The following ANO1 variants were observed in gnomAD, a reference collection of about 807,000 sequenced individuals.
ANO1 encodes the protein anoctamin-1.
A neutral mutation model predicts 124.0 loss-of-function variants in ANO1; 59 were observed. That is an observed-to-expected ratio of 0.48 (90% confidence interval 0.39 to 0.59). The LOEUF is 0.59. ANO1 is among the 20% of genes least tolerant of loss of function. ANO1 has a pLI of 0.00. For missense variants in ANO1, 1,059 were observed against 1,328.0 expected, an observed-to-expected ratio of 0.80 and a Z score of 3.15; for synonymous variants, 529 against 532.0, an observed-to-expected ratio of 0.99 and a Z score of 0.08.
intron 1 of ANO1, among the ~76,000 whole-genome samples, chr11:70,014,482 G>T (rs1045667635): frequency 2.0e-5 from 3 of 152,114 alleles, no homozygotes; most frequent in Non-Finnish European, 2.9e-5. Flanking sequence ...TGCAGTTCTA[G>T]TTCACTCACC....
chr11:70,149,967 G>C, intron 12 of ANO1, 175 bp downstream of exon 12: 1 of 714,104 alleles, frequency 1.4e-6, no homozygotes, highest in South Asian at 1.5e-5. Flanking sequence ...ACACCCTGGC[G>C]TTCCGAACAC....
chr11:70,183,768 G>A (rs915811016), intron 24 of ANO1, among the ~76,000 whole-genome samples: 1 of 152,198 alleles, frequency 6.6e-6, no homozygotes, highest in Non-Finnish European at 1.5e-5. Context: ...ATAGGCCCTC[G>A]GAGACTCCCA....
intron 1 of ANO1, 70 bp from the exon 2 acceptor site, chr11:70,087,682 G>A: frequency 7.2e-7 from 1 of 1,393,262 alleles, no homozygotes; most frequent in East Asian, 2.5e-5. Context: ...GATGAAGGGA[G>A]CAGCGCACCC....
At chr11:70,029,073 C>T (rs116494918) in intron 1 of ANO1, among the ~76,000 whole-genome samples, 1 of 152,224 alleles carries the variant, frequency 6.6e-6, no homozygotes, top group Non-Finnish European at 1.5e-5. Context: ...TGAGCCACTG[C>T]GTCCAGCCCA....
intron 19 of ANO1, 111 bp from the exon 20 acceptor site, chr11:70,165,359 T>C (rs868167465): frequency 4.5e-6 from 4 of 889,584 alleles, no homozygotes; most frequent in Non-Finnish European, 7.0e-6. Flanking sequence ...CTGAGCGTCT[T>C]TTTTTGGAGG....
chr11:70,028,883 G>C (rs1295073001), intron 1 of ANO1, among the ~76,000 whole-genome samples: 2 of 152,198 alleles, frequency 1.3e-5, no homozygotes, highest in African/African-American at 2.4e-5. Flanking sequence ...CTGGGTTCAA[G>C]TGATTCTCCT....
chr11:69,989,295 A>T (rs781920606), intron 1 of ANO1, among the ~76,000 whole-genome samples: 2 of 152,212 alleles, frequency 1.3e-5, no homozygotes, highest in Non-Finnish European at 2.9e-5. Flanking sequence ...GGATAGAAAG[A>T]GTTGTCCCTC....
At chr11:70,083,411 C>T (rs1464112915) in intron 1 of ANO1, among the ~76,000 whole-genome samples, 2 of 152,066 alleles carry the variant, frequency 1.3e-5, no homozygotes, top group African/African-American at 4.8e-5. Flanking sequence ...TAGGAGGATG[C>T]CCACTCTTGA....
At chr11:70,065,324 G>A (rs1433028213) in intron 1 of ANO1, 6 of 152,282 alleles carry the variant, frequency 3.9e-5, no homozygotes, top group African/African-American at 1.4e-4. Flanking sequence ...CATTAGAGGA[G>A]GCTTTGCATA....
At chr11:70,075,114 G>A (rs1236644720), upstream of ANO1, 1 of 152,180 alleles carries the variant, frequency 6.6e-6, no homozygotes, top group Non-Finnish European at 1.5e-5. Flanking sequence ...CATAATTTGG[G>A]GCACCTCGTT....
At chr11:70,049,611 T>C (rs1857318113) in intron 1 of ANO1, among the ~76,000 whole-genome samples, 1 of 152,232 alleles carries the variant, frequency 6.6e-6, no homozygotes, top group Non-Finnish European at 1.5e-5. Context: ...GGGATAACTA[T>C]TCCAGGAAGT....
intron 1 of ANO1, among the ~76,000 whole-genome samples, chr11:70,041,125 A>G (rs1555005008): frequency 1.3e-5 from 2 of 152,152 alleles, no homozygotes; most frequent in African/African-American, 2.4e-5. Flanking sequence ...CATGTGTGAC[A>G]GTAGGGGCAG....
intron 1 of ANO1, among the ~76,000 whole-genome samples, chr11:69,996,916 C>T (rs532488477): frequency 3.9e-4 from 60 of 152,242 alleles, no homozygotes; most frequent in Non-Finnish European, 6.9e-4. Context: ...GAAGCTTGTA[C>T]GGAAAATGCA....
chr11:70,187,159 G>A (rs2049163484), intron 25 of ANO1, among the ~76,000 whole-genome samples: 1 of 152,258 alleles, frequency 6.6e-6, no homozygotes, highest in Admixed American at 6.5e-5. Flanking sequence ...ACCAGGAGAA[G>A]ACACCAATCC....
At chr11:70,073,233 G>T (rs1439008330) in intron 1 of ANO1, among the ~76,000 whole-genome samples, 2 of 152,128 alleles carry the variant, frequency 1.3e-5, no homozygotes, top group African/African-American at 4.8e-5. Context: ...CCCTCGGCAG[G>T]GTTTCCGATA....
intron 16 of ANO1, among the ~76,000 whole-genome samples, chr11:70,159,883 G>C (rs2047979954): frequency 6.6e-6 from 1 of 152,252 alleles, no homozygotes; most frequent in East Asian, 1.9e-4. Flanking sequence ...TCGCAGCAGG[G>C]CTTCTCCTTA....
At chr11:70,147,181 G>A (rs1229988631) in intron 11 of ANO1, among the ~76,000 whole-genome samples, 1 of 152,274 alleles carries the variant, frequency 6.6e-6, no homozygotes, top group African/African-American at 2.4e-5. Flanking sequence ...GGCGGGCAGA[G>A]GAGGACAGAA....
the ANO1 span, among the ~76,000 whole-genome samples, chr11:69,968,944 C>T: frequency 6.6e-6 from 1 of 152,234 alleles, no homozygotes; most frequent in African/African-American, 2.4e-5. Flanking sequence ...AAGCTGCACC[C>T]TCCAGTCTTC....
intron 22 of ANO1, among the ~76,000 whole-genome samples, chr11:70,171,953 CA>C (rs2048488283): frequency 6.6e-6 from 1 of 150,866 alleles, no homozygotes; most frequent in Non-Finnish European, 1.5e-5. Context: ...GACCCTGTCT[CA>C]AAAAAACAAG....
Sources: allele counts gnomAD v4.1 joint callset (sites outside exome capture counted in the v4.1 genomes callset), GRCh38; gene constraint gnomAD v4.1.1; transcripts MANE v1.5; gene names NCBI Gene and HGNC (gene_info 2026-07-23, HGNC 2026-07-21).